Variants in FAM135B observed in about 807,000 individuals in gnomAD.
FAM135B encodes protein FAM135B.
A neutral mutation model predicts 127.7 loss-of-function variants in FAM135B; 43 were observed. That is an observed-to-expected ratio of 0.34 (90% CI 0.26 to 0.43). The LOEUF (loss-of-function observed/expected upper bound fraction) is 0.43. FAM135B is among the 20% of genes least tolerant of loss of function. The probability of loss-of-function intolerance (pLI) is 1.00; values close to 1 mark genes in which losing one functional copy is unlikely to be tolerated. For synonymous variants in FAM135B, 670 were observed against 665.1 expected (o/e 1.01, Z -0.11); for missense variants, 1,558 against 1,725.6 (o/e 0.90, Z 1.72).
chr8:138,215,993 G>A (rs1208857288), intron 7 of FAM135B, among the ~76,000 whole-genome samples: 1 of 152,156 alleles, frequency 6.6e-6, no homozygotes, highest in East Asian at 1.9e-4. Context: ...GTCAGTGGAA[G>A]CGATATTCAT....
chr8:138,300,744 C>CTTTTT (rs34292545), intron 3 of FAM135B, among the ~76,000 whole-genome samples: 11 of 100,488 alleles, frequency 1.1e-4, no homozygotes, highest in Non-Finnish European at 1.4e-4. Context: ...ATTTTATCCA[C>CTTTTT]TTTTTTTTTT....
intron 9 of FAM135B, 151 bp from the exon 10 acceptor site, chr8:138,178,841 T>G: frequency 1.6e-6 from 1 of 620,570 alleles, no homozygotes. Flanking sequence ...CAACTCATAG[T>G]ACTATAGGAT....
At chr8:138,355,416 G>A (rs1043819224) in intron 2 of FAM135B, among the ~76,000 whole-genome samples, 1 of 152,130 alleles carries the variant, frequency 6.6e-6, no homozygotes, top group African/African-American at 2.4e-5. Flanking sequence ...CATGTCCTTT[G>A]TAGGGACATG....
chr8:138,464,332 G>A (rs1042380232), intron 1 of FAM135B, among the ~76,000 whole-genome samples: 10 of 152,004 alleles, frequency 6.6e-5, no homozygotes, highest in Admixed American at 1.3e-4. Flanking sequence ...TTGTTCCTAG[G>A]GTGGGGCTTA....
At position 138,241,023 on chromosome 8, in the gene FAM135B, A is replaced by G. The variant is rs890197437; in HGVS notation, c.669+1919T>C. Among the ~76,000 whole-genome samples, 5 of 152,180 alleles carry G rather than the reference A, an allele frequency of 3.3e-5. No individual in the cohort carries two copies. The highest frequency in any genetic ancestry group is 7.4e-5 in the Non-Finnish European group (5 of 68,024). On this transcript the variant is annotated intron_variant, in intron 7 of 19. Coordinates refer to ENST00000395297, the MANE Select transcript of FAM135B (RefSeq NM_015912.4). The surrounding 1 kb of genome is among the most constrained non-coding windows in gnomAD (Gnocchi z 4.8). ...GCTCTGAGACTCTTCAGTCTCTACAATGGGGTCTACTGAAACTCTGGGTGC... is the reference window on the plus strand; with the variant it reads ...GCTCTGAGACTCTTCAGTCTCTACAGTGGGGTCTACTGAAACTCTGGGTGC...
chr8:138,196,512 C>G (rs902966929), intron 8 of FAM135B, among the ~76,000 whole-genome samples: 1 of 152,114 alleles, frequency 6.6e-6, no homozygotes, highest in Non-Finnish European at 1.5e-5. Flanking sequence ...AGACCTCAGT[C>G]TATTTGGGAA....
chr8:138,207,216 C>CTTTT (rs72229891), intron 7 of FAM135B, among the ~76,000 whole-genome samples: 1 of 134,058 alleles, frequency 7.5e-6, no homozygotes. Flanking sequence ...TGAAACAATA[C>CTTTT]TTTTTTTTTT....
chr8:138,193,067 T>A (rs940406633), intron 9 of FAM135B, among the ~76,000 whole-genome samples: 1 of 152,094 alleles, frequency 6.6e-6, no homozygotes, highest in Non-Finnish European at 1.5e-5. Context: ...TACCACCCAC[T>A]AGCCACCACC....
At chr8:138,184,131 G>A (rs1264187836) in intron 9 of FAM135B, among the ~76,000 whole-genome samples, 2 of 152,200 alleles carry the variant, frequency 1.3e-5, no homozygotes, top group Non-Finnish European at 2.9e-5. Flanking sequence ...AGGCTGATGA[G>A]GATTGTGTCA....
intron 1 of FAM135B, among the ~76,000 whole-genome samples, chr8:138,424,628 G>T (rs927131883): frequency 1.3e-5 from 2 of 152,158 alleles, no homozygotes; most frequent in African/African-American, 4.8e-5. Context: ...TTATGGCTCT[G>T]TCAGGTTATG....
chr8:138,245,329 C>A (rs1202963409), intron 6 of FAM135B, among the ~76,000 whole-genome samples: 1 of 152,178 alleles, frequency 6.6e-6, no homozygotes, highest in Non-Finnish European at 1.5e-5. Context: ...TGTGTCCCCA[C>A]CCAAATCTCA....
chr8:138,412,127 C>T, intron 1 of FAM135B, among the ~76,000 whole-genome samples: 1 of 152,190 alleles, frequency 6.6e-6, no homozygotes, highest in Non-Finnish European at 1.5e-5. Flanking sequence ...TGCCCGCTAC[C>T]TGGGTGATGG....
At chr8:138,281,839 C>T (rs1371124509) in intron 3 of FAM135B, among the ~76,000 whole-genome samples, 1 of 152,178 alleles carries the variant, frequency 6.6e-6, no homozygotes, top group African/African-American at 2.4e-5. Context: ...GAGACAGGGT[C>T]TCACTCTGTT....
chr8:138,268,836 G>A (rs972996016), intron 3 of FAM135B, among the ~76,000 whole-genome samples: 1 of 152,146 alleles, frequency 6.6e-6, no homozygotes, highest in Non-Finnish European at 1.5e-5. Context: ...TCTACTCAAG[G>A]GGTCCAATGA....
chr8:138,344,565 C>T (rs1309966884), intron 2 of FAM135B, among the ~76,000 whole-genome samples: 1 of 85,054 alleles, frequency 1.2e-5, no homozygotes, highest in Admixed American at 1.4e-4. Context: ...TCTTGCTACA[C>T]TTTCTTTCTT....
At chr8:138,417,666 T>A (rs760887552) in intron 1 of FAM135B, among the ~76,000 whole-genome samples, 12 of 152,112 alleles carry the variant, frequency 7.9e-5, no homozygotes, top group Non-Finnish European at 1.5e-4. Context: ...GCAGGCCTGG[T>A]CCCAGACTAC....
chr8:138,143,962 G>A (rs547601153), intron 15 of FAM135B, among the ~76,000 whole-genome samples: 13 of 152,288 alleles, frequency 8.5e-5, no homozygotes, highest in South Asian at 8.3e-4. Flanking sequence ...TTTGAGGCGC[G>A]AGAGAATAAA....
At chr8:138,173,321 T>C (rs1814097563) in intron 11 of FAM135B, among the ~76,000 whole-genome samples, 1 of 152,152 alleles carries the variant, frequency 6.6e-6, no homozygotes, top group Admixed American at 6.5e-5. Flanking sequence ...AAAATCTGCA[T>C]TTCACTTTAT....
intron 1 of FAM135B, among the ~76,000 whole-genome samples, chr8:138,369,449 A>T (rs1830976933): frequency 6.6e-6 from 1 of 152,224 alleles, no homozygotes; most frequent in African/African-American, 2.4e-5. Flanking sequence ...CTGGGCCTTA[A>T]CTGCATCTCA....
Sources: gnomAD v4.1 joint callset for allele counts (sites outside exome capture counted in the v4.1 genomes callset) on GRCh38, gnomAD v4.1.1 for gene constraint, Gnocchi (gnomAD v3.1) non-coding constraint, MANE v1.5 for transcripts, NCBI Gene and HGNC (gene_info 2026-07-23, HGNC 2026-07-21) for gene names.